The following UBA1 variants were observed in gnomAD, a reference collection of about 807,000 sequenced individuals.
The protein encoded by UBA1 is ubiquitin like modifier activating enzyme 1.
In UBA1, 4 loss-of-function variants were observed where a neutral mutation model predicts 84.7. That is an observed-to-expected ratio of 0.05 (90% CI 0.02 to 0.11). UBA1 has a LOEUF of 0.11. UBA1 is among the 10% of genes least tolerant of loss of function. The pLI is 1.00. For synonymous variants in UBA1, 364 were observed against 362.6 expected, an observed-to-expected ratio of 1.00 and a Z score of -0.04; for missense variants, 513 against 902.8, an observed-to-expected ratio of 0.57 and a Z score of 5.53.
chrX:47,211,592 GC>G (rs1556793454), intron 20 of UBA1, among the ~76,000 whole-genome samples: 1 of 109,728 alleles, frequency 9.1e-6, no homozygotes, highest in African/African-American at 3.3e-5. Flanking sequence ...TTCCAGATCC[GC>G]CCCCATCTGT....
At chrX:47,203,480 G>A in intron 13 of UBA1, 61 bp from the exon 14 acceptor site, 1 of 1,185,695 alleles carries the variant, frequency 8.4e-7, no homozygotes, top group East Asian at 3.0e-5. Flanking sequence ...GTGATGGGTA[G>A]CTTCACACTA....
chrX:47,209,912 C>T lies in UBA1; in HGVS notation c.2004-16C>T. Reference sequence around the variant, plus strand: ...GACATGTAATCCTATCCTCTGTCCTCTTCGATTCCTGATAGAGACCCCAAG... The same window carrying T: ...GACATGTAATCCTATCCTCTGTCCTTTTCGATTCCTGATAGAGACCCCAAG... On this transcript the variant is annotated splice_polypyrimidine_tract_variant and intron_variant, in intron 17 of 25. Transcript: ENST00000335972. 1 of 1,210,680 alleles carries T rather than the reference C, an allele frequency of 8.3e-7. No homozygotes were observed. The highest frequency in any genetic ancestry group is 1.1e-6 in the Non-Finnish European group (1 of 894,285).
intron 1 of UBA1, chrX:47,198,170 G>A: frequency 6.2e-6 from 6 of 965,887 alleles, no homozygotes; most frequent in African/African-American, 4.0e-5. Flanking sequence ...TTCTCAGCAA[G>A]TTACCGCTCC....
At chrX:47,206,195 TTCTG>T in intron 15 of UBA1, 49 bp from the exon 16 acceptor site, 4 of 1,180,682 alleles carry the variant, frequency 3.4e-6, no homozygotes, top group Non-Finnish European at 4.6e-6. Flanking sequence ...GTGTCCGTCT[TTCTG>T]TCCTCTCCTG....
intron 14 of UBA1, 56 bp from the exon 15 acceptor site, chrX:47,205,892 A>C: frequency 8.6e-7 from 1 of 1,156,140 alleles, no homozygotes; most frequent in East Asian, 3.1e-5. Context: ...ATGCACAAAT[A>C]AGTGAGCTTT....
rs782256260 is a variant in UBA1 at position 47,197,265 on chromosome X, A to G, written c.1-1538A>G. On this transcript the variant is annotated intron_variant, in intron 1 of 25. Coordinates refer to ENST00000335972, the MANE Select transcript of UBA1 (RefSeq NM_003334.4). Reference sequence around the variant, plus strand: ...CAGCTGCATGCCTCTGGGCGAGTGAATGGGGTTCTCTAAGCCTTTCTTTTC... The same window carrying G: ...CAGCTGCATGCCTCTGGGCGAGTGAGTGGGGTTCTCTAAGCCTTTCTTTTC... 18 of 753,695 alleles carry G rather than the reference A, an allele frequency of 2.4e-5. No homozygotes were observed. In the African/African-American group the frequency reaches 3.9e-4, roughly 16 times the overall value. The allele number at this position is 753,695 out of a possible 1,213,427, so 62.1% of individuals were successfully genotyped here.
intron 1 of UBA1, among the ~76,000 whole-genome samples, chrX:47,194,728 G>A (rs961247488): frequency 1.8e-5 from 2 of 111,549 alleles, no homozygotes; most frequent in Non-Finnish European, 1.9e-5. Context: ...TTTCTACTCA[G>A]AGACCCCTCT....
At position 47,199,394 on chromosome X, in the gene UBA1, CCCTT is replaced by C. The variant is rs782661059; in HGVS notation, c.345+20_345+23del. 61 of 1,212,116 alleles carry C rather than the reference CCCTT, an allele frequency of 5.0e-5. No individual in the cohort carries two copies. The highest frequency in any genetic ancestry group is 6.4e-5 in the Non-Finnish European group (57 of 895,520). Reference sequence around the variant, plus strand: ...TCCTCCCAGGTACCTCTTCCTAGCACCCTTCCCCCTTTCCCCCTTCCCGAGGCAC... The same window carrying C: ...TCCTCCCAGGTACCTCTTCCTAGCACCCCCCTTTCCCCCTTCCCGAGGCAC... On this transcript the variant is annotated intron_variant, in intron 4 of 25. Transcript: ENST00000335972.
At chrX:47,198,323 G>C (rs782403278) in intron 1 of UBA1, 1 of 964,642 alleles carries the variant, frequency 1.0e-6, no homozygotes, top group East Asian at 7.6e-5. Context: ...TATGCTCTGT[G>C]TTATTTATCA....
At chrX:47,213,330 AT>A in intron 23 of UBA1, 149 bp downstream of exon 23, 1 of 611,641 alleles carries the variant, frequency 1.6e-6, no homozygotes, top group Non-Finnish European at 2.4e-6. Flanking sequence ...CATTAATCAC[AT>A]TATTTGAGTA....
At chrX:47,201,125 T>G (rs1936402046) in intron 6 of UBA1, 125 bp downstream of exon 6, 1 of 809,924 alleles carries the variant, frequency 1.2e-6, no homozygotes, top group Non-Finnish European at 1.8e-6. Flanking sequence ...GTTCTGTGTT[T>G]TCATCTCTCC....
At position 47,206,379 on chromosome X, in the gene UBA1, C is replaced by T. The variant is rs1936676716; in HGVS notation, c.1873C>T (p.Pro625Ser). 8.3e-7 allele frequency: 1 copy of T among 1,210,730 alleles called. No individual in the cohort carries two copies. The highest frequency in any genetic ancestry group is 1.1e-6 in the Non-Finnish European group (1 of 895,317). ...TESYSSSQDPPEKSIPICTLK... is the reference protein window; with the variant it reads ...TESYSSSQDPSEKSIPICTLK... Reference sequence around the variant, plus strand: ...GTCGTACAGTTCCAGCCAGGACCCACCTGAGAAGTCCATCCCCATCTGTAC... The same window carrying T: ...GTCGTACAGTTCCAGCCAGGACCCATCTGAGAAGTCCATCCCCATCTGTAC... The change falls in exon 16 of 26, where the codon CCT (proline) becomes TCT (serine). Residue 625 changes from proline to serine, a missense_variant. Pro to Ser is a moderately conservative substitution (Grantham distance 74). Around this residue, in one of 6 missense-constraint regions of UBA1, gnomAD observed 40 missense variants for 138.3 expected, o/e 0.29. Coordinates refer to ENST00000335972, the MANE Select transcript of UBA1 (RefSeq NM_003334.4).
chrX:47,200,039 C>T (rs1936348046), intron 5 of UBA1, among the ~76,000 whole-genome samples: 1 of 110,647 alleles, frequency 9.0e-6, no homozygotes, highest in South Asian at 3.8e-4. Context: ...CCCGCCTCCG[C>T]CTCCCAAAGT....
intron 14 of UBA1, 102 bp from the exon 15 acceptor site, chrX:47,205,846 C>A: frequency 2.0e-6 from 2 of 982,067 alleles, no homozygotes; most frequent in Non-Finnish European, 1.4e-6. Flanking sequence ...GGAGAGAGAC[C>A]CTGTCTCAAA....
At chrX:47,206,632 C>T in intron 16 of UBA1, 188 bp downstream of exon 16, 1 of 453,800 alleles carries the variant, frequency 2.2e-6, no homozygotes, top group Non-Finnish European at 3.8e-6. Context: ...TCTTTTTTCA[C>T]TTTTATTTTG....
In UBA1 at chrX:47,203,582, T is replaced by C; in HGVS notation, c.1461T>C (p.Phe487=). Reference sequence around the variant, plus strand: ...TTGGCTGTGAGCTGCTCAAGAACTTTGCCATGATTGGGCTGGGCTGCGGGG... The same window carrying C: ...TTGGCTGTGAGCTGCTCAAGAACTTCGCCATGATTGGGCTGGGCTGCGGGG... ...GAIGCELLKN[F]AMIGLGCGEG... is the part of the protein sequence containing the mutation. The change falls in exon 14 of 26, where the codon TTT becomes TTC. Residue 487 remains phenylalanine, a synonymous_variant. Transcript: ENST00000335972. The C allele has an allele frequency of 1.7e-6, 2 of 1,210,602 alleles. No homozygotes were observed. The highest frequency in any genetic ancestry group is 2.2e-6 in the Non-Finnish European group (2 of 895,182).
intron 7 of UBA1, 54 bp from the exon 8 acceptor site, chrX:47,201,424 G>A (rs1238809748): frequency 8.3e-6 from 10 of 1,209,559 alleles, no homozygotes; most frequent in East Asian, 5.9e-5. Flanking sequence ...AGTCCTTCCT[G>A]TCTGCTCTTG....
intron 20 of UBA1, 110 bp from the exon 21 acceptor site, chrX:47,212,314 C>G (rs1936960007): frequency 5.4e-6 from 3 of 559,059 alleles, no homozygotes; most frequent in African/African-American, 4.6e-5. Context: ...TCTCTCCTTT[C>G]CAAATCCTTT....
Position 47,209,611 on chromosome X carries a change from C to T in UBA1, c.1939-12C>T. The T allele has an allele frequency of 2.5e-6, 3 of 1,210,132 alleles. No individual in the cohort carries two copies. The highest frequency in any genetic ancestry group is 1.7e-5 in the African/African-American group (1 of 57,837). ...ACTGTGGCCACATGTAATCTGTTTG[C>T]TCTGTCTGCAGTGGGCTCGGGATGA... On this transcript the variant is annotated splice_polypyrimidine_tract_variant and intron_variant, in intron 16 of 25. Transcript: ENST00000335972.
Sources: gnomAD v4.1 joint callset for allele counts (sites outside exome capture counted in the v4.1 genomes callset) on GRCh38, gnomAD v4.1.1 for gene constraint, gnomAD v4.1.1 regional missense constraint, MANE v1.5 for transcripts, NCBI Gene and HGNC (gene_info 2026-07-23, HGNC 2026-07-21) for gene names.